The following TCTN2 variants were observed in gnomAD, a reference collection of about 807,000 sequenced individuals.
TCTN2 encodes tectonic-2.
Under a neutral mutation model 83.4 loss-of-function variants are expected in TCTN2, and 66 were observed. The observed-to-expected ratio is 0.79, with a 90% CI of 0.65 to 0.97. The LOEUF (loss-of-function observed/expected upper bound fraction) is 0.97, where lower values mean the gene tolerates loss of function less well. TCTN2 is among the 50% of genes least tolerant of loss of function. The pLI is 0.00. For missense variants in TCTN2, 794 were observed against 858.1 expected (o/e 0.93, Z 0.93); for synonymous variants, 301 against 326.7 (o/e 0.92, Z 0.85).
At chr12:123,681,075 C>T (rs1230681692) in intron 5 of TCTN2, among the ~76,000 whole-genome samples, 1 of 151,822 alleles carries the variant, frequency 6.6e-6, no homozygotes, top group Non-Finnish European at 1.5e-5. Flanking sequence ...TGGATACCAG[C>T]CTGGGCAACA....
chr12:123,704,004 C>CTTTTTT (rs11348520), intron 14 of TCTN2, among the ~76,000 whole-genome samples: 2 of 110,198 alleles, frequency 1.8e-5, no homozygotes, highest in East Asian at 2.3e-4. Flanking sequence ...TACAAGGAAA[C>CTTTTTT]TTTTTTTTTT....
intron 5 of TCTN2, among the ~76,000 whole-genome samples, chr12:123,681,089 C>A (rs948499667): frequency 2.0e-5 from 3 of 151,712 alleles, no homozygotes; most frequent in Non-Finnish European, 2.9e-5. Flanking sequence ...GGCAACATGG[C>A]AAAACCCCAT....
intron 5 of TCTN2, among the ~76,000 whole-genome samples, chr12:123,683,874 C>A (rs1473923920): frequency 1.3e-5 from 2 of 152,074 alleles, no homozygotes; most frequent in Non-Finnish European, 2.9e-5. Flanking sequence ...CTCCTGACCT[C>A]GTGATCCACC....
rs781632309 is a variant in TCTN2 at position 123,686,979 on chromosome 12, T to G, written c.708T>G (p.Cys236Trp). The change falls in exon 6 of 18, where the codon TGT (cysteine) becomes TGG (tryptophan). Residue 236 changes from cysteine to tryptophan, a missense_variant. Transcript: ENST00000303372. ...TCCCCGATTGGTTTCCCTTTCTGTG[T>G]GTGCAGTCCCCCCTTGCCAACACAC... ...RGVPDWFPFL[C>W]VQSPLANTPF... 1 of 1,614,180 alleles carries G rather than the reference T, an allele frequency of 6.2e-7. No individual in the cohort carries two copies. Among genetic ancestry groups the G allele is most frequent in the Admixed American group, 1.7e-5 (1 of 60,010 alleles).
chr12:123,705,900 G>T (rs1956223073), intron 15 of TCTN2, among the ~76,000 whole-genome samples: 1 of 151,772 alleles, frequency 6.6e-6, no homozygotes, highest in Non-Finnish European at 1.5e-5. Flanking sequence ...GAGGTTACAA[G>T]CATGTGGCAC....
At chr12:123,690,384 C>T (rs1956026217) in intron 7 of TCTN2, 149 bp from the exon 8 acceptor site, 1 of 1,003,474 alleles carries the variant, frequency 1.0e-6, no homozygotes, top group Admixed American at 2.1e-5. Flanking sequence ...TTTGCTAAAG[C>T]GGGTCAACTA....
chr12:123,676,941 G>GGATCCAGCACTTGGAT (rs1955830756), intron 4 of TCTN2, among the ~76,000 whole-genome samples: 1 of 152,190 alleles, frequency 6.6e-6, no homozygotes, highest in African/African-American at 2.4e-5. Context: ...ACTTTGGGAG[G>GGATCCAGCACTTGGAT]CCAAGATGGG....
At position 123,694,890 on chromosome 12, in the gene TCTN2, A is replaced by C; in HGVS notation, c.1148A>C (p.Glu383Ala). ...ACCCCTAGAATTGTGAATGTGGAAG[A>C]ACATTATATTTTCAAATGGAATAAT... ...GSTPRIVNVE[E>A]HYIFKWNNNT... The change falls in exon 10 of 18, where the codon GAA (glutamate) becomes GCA (alanine). Residue 383 changes from glutamate to alanine, a missense_variant. By Grantham distance (107) the Glu-to-Ala change is moderately radical. Coordinates refer to ENST00000303372, the MANE Select transcript of TCTN2 (RefSeq NM_024809.5). The C allele has an allele frequency of 6.2e-7, 1 of 1,613,386 alleles. No homozygotes were observed. Among genetic ancestry groups the C allele is most frequent in the Non-Finnish European group, 8.5e-7 (1 of 1,179,388 alleles).
chr12:123,706,593 A>C, intron 15 of TCTN2, 133 bp from the exon 16 acceptor site: 1 of 1,357,798 alleles, frequency 7.4e-7, no homozygotes, highest in Non-Finnish European at 1.0e-6. Flanking sequence ...TACTGAGAAA[A>C]AACAGCCCAG....
intron 14 of TCTN2, chr12:123,700,110 C>A: frequency 2.1e-6 from 1 of 466,298 alleles, no homozygotes; most frequent in Non-Finnish European, 3.9e-6. Context: ...CTCCCAGGCT[C>A]AAGGGATCCT....
At chr12:123,673,487 C>T in intron 3 of TCTN2, 128 bp from the exon 4 acceptor site, 1 of 883,074 alleles carries the variant, frequency 1.1e-6, no homozygotes, top group Non-Finnish European at 1.8e-6. Context: ...ACTGTGTCAT[C>T]TCTGTATACA....
intron 14 of TCTN2, among the ~76,000 whole-genome samples, chr12:123,704,207 A>G (rs1289830166): frequency 6.6e-6 from 1 of 151,914 alleles, no homozygotes; most frequent in East Asian, 1.9e-4. Flanking sequence ...GGGTTTCACC[A>G]TGTTGGCCAG....
At chr12:123,704,108 G>T (rs759487367) in intron 14 of TCTN2, among the ~76,000 whole-genome samples, 5 of 148,460 alleles carry the variant, frequency 3.4e-5, no homozygotes, top group Non-Finnish European at 4.4e-5. Context: ...CCAGGTTCAC[G>T]CCATTCTCCT....
At chr12:123,678,973 A>G (rs781357952) in intron 4 of TCTN2, among the ~76,000 whole-genome samples, 1 of 151,630 alleles carries the variant, frequency 6.6e-6, no homozygotes, top group Non-Finnish European at 1.5e-5. Context: ...AACTTTTTGT[A>G]TTTTTAATAG....
At chr12:123,671,445 A>G (rs1231626397) in intron 1 of TCTN2, 62 bp from the exon 2 acceptor site, 2 of 1,591,150 alleles carry the variant, frequency 1.3e-6, no homozygotes, top group Non-Finnish European at 1.7e-6. Flanking sequence ...GCCGCCACAC[A>G]CACCTTAGGC....
chr12:123,673,554 A>T, intron 3 of TCTN2, 61 bp from the exon 4 acceptor site: 1 of 1,511,328 alleles, frequency 6.6e-7, no homozygotes, highest in Non-Finnish European at 9.2e-7. Flanking sequence ...GTTTTCCATT[A>T]TGTATTCTTA....
chr12:123,684,583 TAG>T (rs1566250173), intron 5 of TCTN2, among the ~76,000 whole-genome samples: 1 of 151,796 alleles, frequency 6.6e-6, no homozygotes, highest in African/African-American at 2.4e-5. Flanking sequence ...GTATTTTCAG[TAG>T]AGACGAGTTT....
chr12:123,690,340 C>G (rs1304279679), intron 7 of TCTN2, among the ~76,000 whole-genome samples, 193 bp from the exon 8 acceptor site: 2 of 152,204 alleles, frequency 1.3e-5, no homozygotes, highest in East Asian at 3.8e-4. Context: ...CAACCAGTGG[C>G]TTCCAGACCT....
In TCTN2 at chr12:123,687,027, T is replaced by C. The variant is rs1593847530; in HGVS notation, c.756T>C (p.His252=). The change falls in exon 6 of 18, where the codon CAT becomes CAC. Residue 252 remains histidine (H), a synonymous_variant. Coordinates refer to ENST00000303372, the MANE Select transcript of TCTN2 (RefSeq NM_024809.5). The part of the protein sequence containing the change: ...ANTPFLGYFY[H]GAVSPKQDSS... ...CACCCTTCCTTGGTTACTTCTATCA[T>C]GGTGCTGTGTAAGTGTCTGAGCAGC... 5 of 1,614,190 alleles carry C rather than the reference T, an allele frequency of 3.1e-6. No individual in the cohort carries two copies. The highest frequency in any genetic ancestry group is 2.7e-5 in the African/African-American group (2 of 75,056).
Sources: gnomAD v4.1 joint callset for allele counts (sites outside exome capture counted in the v4.1 genomes callset) on GRCh38, gnomAD v4.1.1 for gene constraint, MANE v1.5 for transcripts, NCBI Gene and HGNC (gene_info 2026-07-23, HGNC 2026-07-21) for gene names.